ERBB4: variants seen among roughly 807,000 people sequenced by gnomAD.
ERBB4 encodes receptor tyrosine-protein kinase erbB-4.
ERBB4 carries 42 observed loss-of-function variants against 158.0 expected under a neutral mutation model. The observed-to-expected ratio is 0.27, with a 90% CI of 0.21 to 0.34. The LOEUF is 0.34. Among genes scored for constraint, ERBB4 ranks in the 10% least tolerant of loss-of-function variants. The pLI is 1.00. For synonymous variants in ERBB4, 583 were observed against 558.7 expected (o/e 1.04, Z -0.61); for missense variants, 1,333 against 1,624.1 (o/e 0.82, Z 3.08).
rs1036650692 is a variant in ERBB4, at chr2:211,420,498, C to A, written c.3078G>T (p.Gln1026His). 9 of 1,612,646 alleles carry A rather than the reference C, an allele frequency of 5.6e-6. No homozygotes were observed. The highest frequency in any genetic ancestry group is 6.8e-6 in the Non-Finnish European group (8 of 1,179,120). The change falls in exon 25 of 28, where the codon CAG becomes CAT. Residue 1026 changes from glutamine (Q) to histidine (H), a missense_variant. By Grantham distance (24) the Gln-to-His change is conservative (BLOSUM62 0). Coordinates refer to ENST00000342788, the MANE Select transcript of ERBB4 (RefSeq NM_005235.3). ...MMDAEEYLVP[Q>H]AFNIPPPIYT... ...AGATGGGAGGTGGGATGTTGAAAGC[C>A]TGAGGGACCAAGTACTCCTCAGCAT... is the stretch of plus-strand genomic sequence containing the variant.
intron 2 of ERBB4, among the ~76,000 whole-genome samples, chr2:211,961,280 CAT>C (rs1305961328): frequency 6.6e-6 from 1 of 152,076 alleles, no homozygotes; most frequent in African/African-American, 2.4e-5. Flanking sequence ...TAGTAAGCAG[CAT>C]TGGAATAGTA....
chr2:212,311,059 T>C (rs1246946155), intron 1 of ERBB4, among the ~76,000 whole-genome samples: 1 of 150,782 alleles, frequency 6.6e-6, no homozygotes, highest in East Asian at 2.0e-4. Flanking sequence ...AGAACAGATG[T>C]TGACAGTACA....
At chr2:212,367,135 A>T (rs953346813) in intron 1 of ERBB4, among the ~76,000 whole-genome samples, 1 of 152,060 alleles carries the variant, frequency 6.6e-6, no homozygotes, top group Non-Finnish European at 1.5e-5. Context: ...GTGTGGACAC[A>T]GTGTAAAGAC....
intron 3 of ERBB4, among the ~76,000 whole-genome samples, chr2:211,844,173 C>T (rs1477191640): frequency 1.3e-5 from 2 of 151,888 alleles, no homozygotes; most frequent in African/African-American, 2.4e-5. Flanking sequence ...TGAACACATA[C>T]GTAAAGTAAT....
At chr2:211,489,999 T>C (rs2065299191) in intron 20 of ERBB4, among the ~76,000 whole-genome samples, 1 of 152,038 alleles carries the variant, frequency 6.6e-6, no homozygotes, top group Non-Finnish European at 1.5e-5. Context: ...AGTGTGATTG[T>C]ATTAAGGTGT....
intron 20 of ERBB4, among the ~76,000 whole-genome samples, chr2:211,491,870 A>G (rs1454116551): frequency 6.6e-6 from 1 of 152,070 alleles, no homozygotes; most frequent in Non-Finnish European, 1.5e-5. Context: ...TAAATATTTA[A>G]TGGTAATGAT....
intron 1 of ERBB4, among the ~76,000 whole-genome samples, chr2:212,210,498 C>T (rs1183044628): frequency 1.3e-5 from 2 of 151,996 alleles, no homozygotes; most frequent in African/African-American, 4.8e-5. Context: ...CATTTTGTAG[C>T]CACTTAATAT....
intron 1 of ERBB4, among the ~76,000 whole-genome samples, chr2:212,351,979 T>C (rs1041185280): frequency 1.9e-4 from 29 of 152,132 alleles, no homozygotes; most frequent in African/African-American, 7.0e-4. Flanking sequence ...TGGAATACTA[T>C]GCAACCATAA....
chr2:211,527,439 G>A lies in ERBB4; in HGVS notation c.2487+34464C>T, dbSNP rs190843424. Among the ~76,000 whole-genome samples the A allele has an allele frequency of 1.4e-3, 210 of 152,186 alleles. 2 individuals carry two copies. The highest frequency in any genetic ancestry group is 4.5e-3 in the African/African-American group (188 of 41,570). On this transcript the variant is annotated intron_variant, in intron 20 of 27. Transcript: ENST00000342788. ...TATCAACACCAGACCTGTCCTACAA[G>A]AAATGGTAAAGGGAATACTTCAACT...
intron 5 of ERBB4, among the ~76,000 whole-genome samples, chr2:211,734,248 T>C (rs76268149): frequency 0.015 from 2,230 of 152,274 alleles, 22 homozygotes; most frequent in African/African-American, 0.028. Flanking sequence ...TACTTGTTTA[T>C]GAGCAAATCT....
At chr2:212,254,854 A>G (rs1039723343) in intron 1 of ERBB4, among the ~76,000 whole-genome samples, 2 of 152,202 alleles carry the variant, frequency 1.3e-5, no homozygotes, top group Admixed American at 6.6e-5. Context: ...CTTACAGTTT[A>G]AGATTTAAAT....
chr2:212,256,926 A>G (rs927200568), intron 1 of ERBB4, among the ~76,000 whole-genome samples: 1 of 152,138 alleles, frequency 6.6e-6, no homozygotes, highest in Non-Finnish European at 1.5e-5. Flanking sequence ...TAATTTCAAC[A>G]TTTATTTTAG....
chr2:212,261,831 AG>A (rs2084957474), intron 1 of ERBB4, among the ~76,000 whole-genome samples: 1 of 152,142 alleles, frequency 6.6e-6, no homozygotes, highest in South Asian at 2.1e-4. Context: ...GTATTATAAA[AG>A]AAAAGTTAAA....
chr2:212,018,341 C>T (rs192836421), intron 2 of ERBB4, among the ~76,000 whole-genome samples: 91 of 152,132 alleles, frequency 6.0e-4, no homozygotes, highest in African/African-American at 2.1e-3. Flanking sequence ...TTGGATAGCC[C>T]GGAGTGCTCC....
intron 1 of ERBB4, among the ~76,000 whole-genome samples, chr2:212,234,004 G>T (rs372344188): frequency 7.7e-6 from 1 of 130,068 alleles, no homozygotes; most frequent in Admixed American, 7.9e-5. Flanking sequence ...TTATTATTAT[G>T]CTTTAAGTCT....
At chr2:212,515,678 C>G (rs1285929510) in intron 1 of ERBB4, among the ~76,000 whole-genome samples, 2 of 151,660 alleles carry the variant, frequency 1.3e-5, no homozygotes, top group African/African-American at 4.8e-5. Flanking sequence ...TATTTGTATT[C>G]ACCTAAGAAA....
At chr2:212,518,968 G>C (rs1691995539) in intron 1 of ERBB4, among the ~76,000 whole-genome samples, 1 of 151,864 alleles carries the variant, frequency 6.6e-6, no homozygotes, top group Non-Finnish European at 1.5e-5. Context: ...AGGCAAAAAG[G>C]ACAGCTGTTA....
intron 1 of ERBB4, among the ~76,000 whole-genome samples, chr2:212,534,636 T>C (rs1402054674): frequency 6.6e-6 from 1 of 152,030 alleles, no homozygotes; most frequent in Admixed American, 6.5e-5. Context: ...ACAAAAACAA[T>C]ATACTTAGTG....
At position 212,485,206 on chromosome 2, in the gene ERBB4, T is replaced by A. The variant is rs552490040; in HGVS notation, c.82+53243A>T. Among the ~76,000 whole-genome samples the A allele has an allele frequency of 1.3e-4, 20 of 151,716 alleles. No individual in the cohort carries two copies. In the South Asian group the frequency reaches 3.7e-3, roughly 28 times the overall value. On this transcript the variant is annotated intron_variant, in intron 1 of 27. Coordinates refer to ENST00000342788, the MANE Select transcript of ERBB4 (RefSeq NM_005235.3). ...CCAGGAAATACCCTATTTTCTATAG[T>A]TTTTTTTCTTCAATTCTATTAGCTC...
Sources: gnomAD v4.1 joint callset for allele counts (sites outside exome capture counted in the v4.1 genomes callset) on GRCh38, gnomAD v4.1.1 for gene constraint, MANE v1.5 for transcripts, NCBI Gene and HGNC (gene_info 2026-07-23, HGNC 2026-07-21) for gene names.